FBXO33: variants seen among roughly 807,000 people sequenced by gnomAD.
FBXO33 encodes the protein F-box protein 33.
Under a neutral mutation model 46.3 loss-of-function variants are expected in FBXO33, and 22 were observed. The ratio of observed to expected loss-of-function variants is 0.48; its 90% confidence interval spans 0.34 to 0.68. The LOEUF is 0.68. Ranked by LOEUF, FBXO33 falls within the 30% of genes least tolerant of loss-of-function variation. The probability of loss-of-function intolerance (pLI) is 0.01; values close to 1 mark genes in which losing one functional copy is unlikely to be tolerated. For synonymous variants in FBXO33, 337 were observed against 291.3 expected (o/e 1.16, Z -1.60); for missense variants, 692 against 708.8 (o/e 0.98, Z 0.27).
intron 1 of FBXO33, 98 bp from the exon 2 acceptor site, chr14:39,402,609 G>A (rs996991658): frequency 1.5e-5 from 7 of 471,742 alleles, no homozygotes; most frequent in African/African-American, 1.4e-4. Flanking sequence ...ATTCTAGGAA[G>A]GTTTCTATTT....
At chr14:39,424,751 A>T (rs970692199) in intron 1 of FBXO33, among the ~76,000 whole-genome samples, 2 of 152,218 alleles carry the variant, frequency 1.3e-5, no homozygotes, top group African/African-American at 4.8e-5. Context: ...TAGAAAACAT[A>T]CAACTTAAGT....
intron 1 of FBXO33, among the ~76,000 whole-genome samples, chr14:39,409,895 G>A (rs1031600452): frequency 6.6e-6 from 1 of 151,858 alleles, no homozygotes; most frequent in African/African-American, 2.4e-5. Context: ...TGTTGGTTTT[G>A]CATCCACCAA....
chr14:39,431,292 C>A (rs1258216965), intron 1 of FBXO33, among the ~76,000 whole-genome samples: 2 of 152,198 alleles, frequency 1.3e-5, no homozygotes, highest in East Asian at 3.8e-4. Flanking sequence ...AGCTCCATCC[C>A]ACGGCCACCA....
At chr14:39,430,686 CTAA>C (rs1269110544) in intron 1 of FBXO33, among the ~76,000 whole-genome samples, 1 of 152,088 alleles carries the variant, frequency 6.6e-6, no homozygotes, top group Non-Finnish European at 1.5e-5. Flanking sequence ...AAACTTTCTT[CTAA>C]TAAGAGCTTT....
chr14:39,408,109 T>C (rs956775415), intron 1 of FBXO33, among the ~76,000 whole-genome samples: 1 of 151,910 alleles, frequency 6.6e-6, no homozygotes, highest in Non-Finnish European at 1.5e-5. Context: ...CCTGGCTAAC[T>C]TTTTTTGTAT....
intron 3 of FBXO33, among the ~76,000 whole-genome samples, chr14:39,400,020 G>A (rs1348887649): frequency 2.6e-5 from 4 of 152,164 alleles, no homozygotes; most frequent in African/African-American, 9.7e-5. Flanking sequence ...TATAGGTGGT[G>A]AATTGGCAGG....
intron 1 of FBXO33, among the ~76,000 whole-genome samples, chr14:39,430,691 A>G (rs984668125): frequency 6.6e-6 from 1 of 152,160 alleles, no homozygotes; most frequent in African/African-American, 2.4e-5. Flanking sequence ...TTCTTCTAAT[A>G]AGAGCTTTAC....
At chr14:39,427,701 G>A (rs1468322926) in intron 1 of FBXO33, among the ~76,000 whole-genome samples, 3 of 152,090 alleles carry the variant, frequency 2.0e-5, no homozygotes, top group Non-Finnish European at 4.4e-5. Context: ...CACCTTAGGA[G>A]GCAGAAATGG....
intron 1 of FBXO33, among the ~76,000 whole-genome samples, chr14:39,406,696 G>T (rs150645560): frequency 8.7e-4 from 133 of 152,246 alleles, no homozygotes; most frequent in African/African-American, 2.8e-3. Flanking sequence ...GATTTGCAAA[G>T]ACTTCATATT....
At chr14:39,430,794 C>T (rs1369752590) in intron 1 of FBXO33, among the ~76,000 whole-genome samples, 2 of 152,122 alleles carry the variant, frequency 1.3e-5, no homozygotes, top group African/African-American at 4.8e-5. Context: ...GGGAGGGATA[C>T]TGGGTCAGAA....
intron 1 of FBXO33, 36 bp from the exon 2 acceptor site, chr14:39,402,547 A>G (rs771525183): frequency 9.7e-7 from 1 of 1,028,160 alleles, no homozygotes. Context: ...TTTGCTAAAT[A>G]ATTTATACTT....
At chr14:39,414,908 T>C (rs1242541896) in intron 1 of FBXO33, among the ~76,000 whole-genome samples, 1 of 152,152 alleles carries the variant, frequency 6.6e-6, no homozygotes, top group Non-Finnish European at 1.5e-5. Flanking sequence ...ATCTTCCTGC[T>C]GTTGGGATTA....
chr14:39,432,415 G>A lies in FBXO33; in HGVS notation c.-253C>T. On this transcript the variant is annotated 5_prime_UTR_variant, in exon 1 of 4. Coordinates refer to ENST00000298097, the MANE Select transcript of FBXO33 (RefSeq NM_203301.4). ...AAGGCAGCCCTCCCTGCGCCGGTCG[G>A]CAGAGACAGAGAAGTGGTAGGAGCT... 1 of 232,052 alleles carries A rather than the reference G, an allele frequency of 4.3e-6. No individual in the cohort carries two copies. Among genetic ancestry groups the A allele is most frequent in the East Asian group, 8.5e-5 (1 of 11,766 alleles). The allele number at this position is 232,052 out of a possible 1,614,324, so 14.4% of individuals were successfully genotyped here.
chr14:39,429,796 G>T (rs2139423451), intron 1 of FBXO33, among the ~76,000 whole-genome samples: 1 of 152,266 alleles, frequency 6.6e-6, no homozygotes, highest in African/African-American at 2.4e-5. Flanking sequence ...AGGCATCGGT[G>T]GCCTTATAGA....
At chr14:39,425,948 A>G (rs1013749369) in intron 1 of FBXO33, among the ~76,000 whole-genome samples, 1 of 152,140 alleles carries the variant, frequency 6.6e-6, no homozygotes, top group Admixed American at 6.5e-5. Flanking sequence ...AGTACTCCGT[A>G]TTAGCTTTGG....
chr14:39,432,073 C>G lies in FBXO33; in HGVS notation c.90G>C (p.Leu30=), dbSNP rs1310402606. 1 of 1,243,364 alleles carries G rather than the reference C, an allele frequency of 8.0e-7. No homozygotes were observed. The highest frequency in any genetic ancestry group is 3.2e-5 in the East Asian group (1 of 31,142). 77.0% of individuals were successfully genotyped at this position (1,243,364 alleles called of 1,614,324 possible). The part of the protein sequence containing the change: ...GAARVARWRR[L]RLQQLRRLRG... ...GCAGCCGTCGCAGCTGCTGCAGCCG[C>G]AGCCGCCGCCACCGCGCCACCCGGG... Residue 30 remains leucine, a synonymous_variant, in exon 1 of 4, where the codon CTG becomes CTC. Coordinates refer to ENST00000298097, the MANE Select transcript of FBXO33 (RefSeq NM_203301.4).
At chr14:39,423,540 A>C (rs186536428) in intron 1 of FBXO33, among the ~76,000 whole-genome samples, 4 of 150,466 alleles carry the variant, frequency 2.7e-5, no homozygotes, top group Admixed American at 6.5e-5. Flanking sequence ...AATGTCCATC[A>C]GCAATAGAAT....
chr14:39,402,873 T>C (rs1193252073), intron 1 of FBXO33, among the ~76,000 whole-genome samples: 50 of 151,868 alleles, frequency 3.3e-4, no homozygotes, highest in Admixed American at 3.3e-3. Context: ...TTAGTAGAGA[T>C]GGGGTTCAGA....
intron 3 of FBXO33, 92 bp from the exon 4 acceptor site, chr14:39,399,879 G>C: frequency 7.4e-7 from 1 of 1,347,680 alleles, no homozygotes; most frequent in Non-Finnish European, 9.8e-7. Context: ...AGCTTCTAGA[G>C]AAGCTTCAAA....
Sources: gnomAD v4.1 joint callset for allele counts (sites outside exome capture counted in the v4.1 genomes callset) on GRCh38, gnomAD v4.1.1 for gene constraint, MANE v1.5 for transcripts, NCBI Gene and HGNC (gene_info 2026-07-23, HGNC 2026-07-21) for gene names.